Variants in CKB observed in about 807,000 individuals in gnomAD.
The protein encoded by CKB is creatine kinase B-type.
In CKB, 15 loss-of-function variants were observed where a neutral mutation model predicts 36.9. The observed-to-expected ratio is 0.41, with a 90% confidence interval of 0.27 to 0.63. The LOEUF is 0.63. Among genes scored for constraint, CKB ranks in the 20% least tolerant of loss-of-function variants. CKB has a pLI of 0.34. For synonymous variants in CKB, 250 were observed against 228.2 expected (o/e 1.10, Z -0.86); for missense variants, 413 against 534.9 (o/e 0.77, Z 2.25).
Position 103,520,220 on chromosome 14 carries a change from C to G in CKB, c.869G>C (p.Gly290Ala). The change falls in exon 7 of 8, where the codon GGG becomes GCG. Residue 290 changes from glycine to alanine, a missense_variant. Around this residue, in one of 3 missense-constraint regions of CKB, gnomAD observed 314 missense variants for 409.4 expected, o/e 0.77. Transcript: ENST00000348956. Reference protein sequence around the residue: ...ILTCPSNLGTGLRAGVHIKLP... With the variant: ...ILTCPSNLGTALRAGVHIKLP... ...CTTGATATGCACACCTGCCCGCAGC[C>G]CGGTGCCCAGGTTGGATGGGCAGGT... 1 of 1,613,594 alleles carries G rather than the reference C, an allele frequency of 6.2e-7. No individual in the cohort carries two copies. The highest frequency in any genetic ancestry group is 8.5e-7 in the Non-Finnish European group (1 of 1,179,972).
At chr14:103,520,972 G>T in intron 5 of CKB, 1 of 573,870 alleles carries the variant, frequency 1.7e-6, no homozygotes, top group Non-Finnish European at 3.1e-6. Flanking sequence ...GGCCGTCGGG[G>T]AGAGGCGCCA....
chr14:103,521,776 G>T, intron 4 of CKB, 42 bp downstream of exon 4: 1 of 1,350,516 alleles, frequency 7.4e-7, no homozygotes, highest in Non-Finnish European at 9.4e-7. Flanking sequence ...CGCCGGGAGG[G>T]GGACGCGGCC....
Position 103,521,579 on chromosome 14 carries a change from C to G in CKB, c.482-145G>C, listed in dbSNP as rs929602301. 14 of 961,194 alleles carry G rather than the reference C, an allele frequency of 1.5e-5. No homozygotes were observed. The African/African-American group carries it at 2.1e-4, about 14-fold the overall frequency. The allele number at this position is 961,194 out of a possible 1,614,324, so 59.5% of individuals were successfully genotyped here. A position where few individuals can be genotyped will look rare whatever the true frequency, so the allele number is the denominator to read the frequency against. ...CTGCGGGCGTCCAGTCCTCACGGCC[C>G]GGGCGACGGTCCCAGGCGGTGACCC... On this transcript the variant is annotated intron_variant, in intron 4 of 7. Coordinates refer to ENST00000348956, the MANE Select transcript of CKB (RefSeq NM_001823.5).
At position 103,522,248 on chromosome 14, in the gene CKB, C is replaced by A. The variant is rs1415494567; in HGVS notation, c.193+53G>T. ...CCCGAGCGCGCTGCTGAGGACCCTG[C>A]GGCTGCGCGGGGGGAGGGGGGGCCG... On this transcript the variant is annotated intron_variant, in intron 2 of 7. Coordinates refer to ENST00000348956, the MANE Select transcript of CKB (RefSeq NM_001823.5). This position sits in a 1 kb window ranked among gnomAD's most constrained non-coding sequence, Gnocchi z 6.7. 1 of 1,447,014 alleles carries A rather than the reference C, an allele frequency of 6.9e-7. No homozygotes were observed. The highest frequency in any genetic ancestry group is 2.0e-5 in the Admixed American group (1 of 50,760). 89.6% of individuals were successfully genotyped at this position (1,447,014 alleles called of 1,614,324 possible).
rs1377949010 is a variant in CKB, at chr14:103,521,895, C to T, written c.404G>A (p.Arg135His). 2 of 1,572,518 alleles carry T rather than the reference C, an allele frequency of 1.3e-6. No homozygotes were observed. Among genetic ancestry groups the T allele is most frequent in the Admixed American group, 1.8e-5 (1 of 56,300 alleles). The change falls in exon 4 of 8, where the codon CGC becomes CAC. Residue 135 changes from arginine to histidine, a missense_variant. Physicochemically the swap from Arg to His is conservative, Grantham distance 29. Transcript: ENST00000348956. ...GGGGAGGCAGAAGCCACGGATGCTG[C>T]GGCCCGTGCGCACCCGCGAGCTCAG... ...YVLSSRVRTG[R>H]SIRGFCLPPH...
Position 103,522,401 on chromosome 14 carries a change from G to A in CKB, c.93C>T (p.Ala31=), listed in dbSNP as rs1016665234. 1.9e-6 allele frequency: 3 copies of A among 1,610,186 alleles called. No individual in the cohort carries two copies. Among genetic ancestry groups the A allele is most frequent in the African/African-American group, 1.3e-5 (1 of 74,336 alleles). ...CGTACAGCTCGGGGGTCAGCACCTT[G>A]GCCATGTGGTTGTTGTGGGCGCTCA... ...PDLSAHNNHM[A]KVLTPELYAE... The change falls in exon 2 of 8, where the codon GCC becomes GCT. Residue 31 remains alanine, a synonymous_variant. Coordinates refer to ENST00000348956, the MANE Select transcript of CKB (RefSeq NM_001823.5). This position sits in a 1 kb window ranked among gnomAD's most constrained non-coding sequence, Gnocchi z 6.7.
In CKB at chr14:103,522,799, C is replaced by A. The variant is rs1051102274; in HGVS notation, c.-46G>T. 1.3e-5 allele frequency: 2 copies of A among 151,030 alleles called. No homozygotes were observed. The highest frequency in any genetic ancestry group is 2.0e-4 in the East Asian group (1 of 5,090). 9.4% of individuals were successfully genotyped at this position (151,030 alleles called of 1,614,324 possible). ...CGGGCGGGGGCGGGGGCGCTCCGTCCGTCGGCAGCTCCCGGAGCGACGCAG... is the reference window on the plus strand; with the variant it reads ...CGGGCGGGGGCGGGGGCGCTCCGTCAGTCGGCAGCTCCCGGAGCGACGCAG... On this transcript the variant is annotated 5_prime_UTR_variant, in exon 1 of 8. Coordinates refer to ENST00000348956, the MANE Select transcript of CKB (RefSeq NM_001823.5). The surrounding 1 kb of genome is among the most constrained non-coding windows in gnomAD (Gnocchi z 6.7).
chr14:103,520,648 G>C, intron 5 of CKB, 56 bp from the exon 6 acceptor site: 3 of 1,555,670 alleles, frequency 1.9e-6, no homozygotes, highest in Non-Finnish European at 1.7e-6. Flanking sequence ...GCCGCCCCCA[G>C]ACCAAAGGAA....
chr14:103,522,564 T>G lies in CKB; in HGVS notation c.-12-59A>C. 6.3e-6 allele frequency: 3 copies of G among 475,304 alleles called. No individual in the cohort carries two copies. Among genetic ancestry groups the G allele is most frequent in the Non-Finnish European group, 1.0e-5 (3 of 298,248 alleles). 29.4% of individuals were successfully genotyped at this position (475,304 alleles called of 1,614,324 possible). Reference sequence around the variant, plus strand: ...ACGCCGGGGTTCCCGGGCTCCCGCGTACCACTCAGGCCCCCGCCGCCGGGC... The same window carrying G: ...ACGCCGGGGTTCCCGGGCTCCCGCGGACCACTCAGGCCCCCGCCGCCGGGC... On this transcript the variant is annotated intron_variant, in intron 1 of 7. Coordinates refer to ENST00000348956, the MANE Select transcript of CKB (RefSeq NM_001823.5). This position sits in a 1 kb window ranked among gnomAD's most constrained non-coding sequence, Gnocchi z 6.7.
At chr14:103,520,858 G>T (rs572947724) in intron 5 of CKB, 8 of 511,672 alleles carry the variant, frequency 1.6e-5, no homozygotes, top group Non-Finnish European at 2.4e-5. Context: ...CCCCACAGTG[G>T]GGGTAGGAGC....
chr14:103,521,132 G>GCGGC, intron 5 of CKB, 131 bp downstream of exon 5: 1 of 1,147,678 alleles, frequency 8.7e-7, no homozygotes, highest in South Asian at 1.3e-5. Flanking sequence ...GACCCGGAGC[G>GCGGC]CGGCCGGCCC....
At position 103,521,448 on chromosome 14, in the gene CKB, G is replaced by A; in HGVS notation, c.482-14C>T. 1 of 1,540,168 alleles carries A rather than the reference G, an allele frequency of 6.5e-7. No individual in the cohort carries two copies. The highest frequency in any genetic ancestry group is 8.7e-7 in the Non-Finnish European group (1 of 1,152,406). ...GGCTGGACAGGGCTGCGAGGGGTGC[G>A]CTCAGGACGCTCGGCTCCCGCGCCC... On this transcript the variant is annotated splice_polypyrimidine_tract_variant and intron_variant, in intron 4 of 7. Coordinates refer to ENST00000348956, the MANE Select transcript of CKB (RefSeq NM_001823.5).
chr14:103,520,179 T>C lies in CKB; in HGVS notation c.910A>G (p.Lys304Glu), dbSNP rs1240861334. ...GVHIKLPNLG[K>E]HEKFSEVLKR... ...AGCACCTCCGAGAACTTCTCATGCTTGCCCAGGTTGGGCAGCTTGATATGC... is the reference window on the plus strand; with the variant it reads ...AGCACCTCCGAGAACTTCTCATGCTCGCCCAGGTTGGGCAGCTTGATATGC... Residue 304 changes from lysine (K) to glutamate (E), a missense_variant, in exon 7 of 8, where the codon AAG becomes GAG. Physicochemically the swap from Lys to Glu is moderately conservative, Grantham distance 56 (BLOSUM62 1). This residue lies in a region of CKB where 314 missense variants were observed against 409.4 expected (regional missense o/e 0.77). Transcript: ENST00000348956. 27 of 1,612,318 alleles carry C rather than the reference T, an allele frequency of 1.7e-5. No individual in the cohort carries two copies. Among genetic ancestry groups the C allele is most frequent in the Non-Finnish European group, 2.3e-5 (27 of 1,179,296 alleles).
Position 103,522,394 on chromosome 14 carries a change from G to A in CKB, c.100C>T (p.Leu34=). The A allele has an allele frequency of 1.2e-6, 2 of 1,610,746 alleles. No individual in the cohort carries two copies. ...SAHNNHMAKV[L]TPELYAELRA... ...AGCTCCGCGTACAGCTCGGGGGTCA[G>A]CACCTTGGCCATGTGGTTGTTGTGG... Residue 34 remains leucine (L), a synonymous_variant, in exon 2 of 8, where the codon CTG becomes TTG. Transcript: ENST00000348956. This position sits in a 1 kb window ranked among gnomAD's most constrained non-coding sequence, Gnocchi z 6.7.
intron 5 of CKB, chr14:103,520,976 G>A (rs2075895963): frequency 5.2e-6 from 3 of 576,840 alleles, no homozygotes; most frequent in African/African-American, 1.9e-5. Context: ...GTCGGGGAGA[G>A]GCGCCAGAGA....
chr14:103,521,315 G>T lies in CKB; in HGVS notation c.601C>A (p.Leu201Met). 6.2e-7 allele frequency: 1 copy of T among 1,607,882 alleles called. No individual in the cohort carries two copies. Residue 201 changes from leucine (L) to methionine (M), a missense_variant, in exon 5 of 8, where the codon CTG (leucine) becomes ATG (methionine). Physicochemically the swap from Leu to Met is conservative, Grantham distance 15 (BLOSUM62 2). This residue lies in a region of CKB where 314 missense variants were observed against 409.4 expected (regional missense o/e 0.77). Coordinates refer to ENST00000348956, the MANE Select transcript of CKB (RefSeq NM_001823.5). Reference sequence around the variant, plus strand: ...CGGGCCATGCCCGAGGCCAGCAGCAGGGGCGACACGGGCTTGTCGAAGAGG... The same window carrying T: ...CGGGCCATGCCCGAGGCCAGCAGCATGGGCGACACGGGCTTGTCGAAGAGG... The part of the protein sequence containing the change: ...HFLFDKPVSP[L>M]LLASGMARDW...
Position 103,522,003 on chromosome 14 carries a change from G to GCCCGCCCGCAGC in CKB, c.348+8_348+19dup. On this transcript the variant is annotated intron_variant, in intron 3 of 7. Coordinates refer to ENST00000348956, the MANE Select transcript of CKB (RefSeq NM_001823.5). This position sits in a 1 kb window ranked among gnomAD's most constrained non-coding sequence, Gnocchi z 6.7. ...CGAAGACCCCGGCCCCGCCCGCCCG[G>GCCCGCCCGCAGC]CCCGCCCGCAGCCCCGCACCTGCAG... is the stretch of plus-strand genomic sequence containing the variant. 6.6e-7 allele frequency: 1 copy of GCCCGCCCGCAGC among 1,517,622 alleles called. No homozygotes were observed. Among genetic ancestry groups the GCCCGCCCGCAGC allele is most frequent in the Non-Finnish European group, 8.9e-7 (1 of 1,124,200 alleles). The allele number at this position is 1,517,622 out of a possible 1,614,324, so 94.0% of individuals were successfully genotyped here.
intron 5 of CKB, 153 bp from the exon 6 acceptor site, chr14:103,520,745 G>A (rs1429886597): frequency 1.8e-6 from 2 of 1,081,926 alleles, no homozygotes; most frequent in Non-Finnish European, 2.6e-6. Flanking sequence ...CGGGGCGGGC[G>A]GGGGAACCGG....
Position 103,519,888 on chromosome 14 carries a change from G to A in CKB, c.1122C>T (p.Asp374=), listed in dbSNP as rs528084620. The A allele has an allele frequency of 2.1e-5, 34 of 1,606,450 alleles. No individual in the cohort carries two copies. Among genetic ancestry groups the A allele is most frequent in the South Asian group, 1.8e-4 (16 of 91,062 alleles). ...EQRLEQGQAI[D]DLMPAQK ...TTCATTTCTGGGCAGGCATGAGGTC[G>A]TCGATGGCCTGGCCCTGCTCCAGCC... Residue 374 remains aspartate, a synonymous_variant, in exon 8 of 8, where the codon GAC becomes GAT. Transcript: ENST00000348956.
Sources: gnomAD v4.1 joint callset for allele counts on GRCh38, gnomAD v4.1.1 for gene constraint, gnomAD v4.1.1 regional missense constraint, Gnocchi (gnomAD v3.1) non-coding constraint, MANE v1.5 for transcripts, NCBI Gene and HGNC (gene_info 2026-07-23, HGNC 2026-07-21) for gene names.